Variants in KCNAB1 observed in about 807,000 individuals in gnomAD.
KCNAB1 encodes potassium voltage-gated channel subfamily A regulatory beta subunit 1, also known as voltage-gated potassium channel subunit beta-1.
In KCNAB1, 35 loss-of-function variants were observed where a neutral mutation model predicts 64.6. The ratio of observed to expected loss-of-function variants is 0.54; its 90% CI spans 0.41 to 0.72. KCNAB1 has a LOEUF of 0.72. KCNAB1 is among the 30% of genes least tolerant of loss of function. KCNAB1 has a pLI of 0.00. For synonymous variants in KCNAB1, 177 were observed against 183.8 expected (o/e 0.96, Z 0.30); for missense variants, 401 against 512.9 (o/e 0.78, Z 2.11).
intron 11 of KCNAB1, among the ~76,000 whole-genome samples, chr3:156,522,529 G>C (rs1432930896): frequency 6.6e-6 from 1 of 152,196 alleles, no homozygotes; most frequent in African/African-American, 2.4e-5. Flanking sequence ...GAAAACTTTA[G>C]CCATCTCCTC....
chr3:156,155,164 T>A (rs1405094180), intron 1 of KCNAB1, among the ~76,000 whole-genome samples: 2 of 152,174 alleles, frequency 1.3e-5, no homozygotes, highest in Non-Finnish European at 2.9e-5. Context: ...AGCCTCGCTG[T>A]TTTTGGTACA....
chr3:156,194,395 C>T (rs1055687096), intron 1 of KCNAB1, among the ~76,000 whole-genome samples: 1 of 152,016 alleles, frequency 6.6e-6, no homozygotes, highest in South Asian at 2.1e-4. Flanking sequence ...TTTGGTACTT[C>T]CACTATTTTC....
chr3:156,263,196 G>A (rs1718524639), intron 1 of KCNAB1, among the ~76,000 whole-genome samples: 1 of 151,236 alleles, frequency 6.6e-6, no homozygotes, highest in South Asian at 2.1e-4. Flanking sequence ...TTCTTTTTTA[G>A]TTTCTTAAGG....
chr3:156,337,770 A>G (rs1245327822), intron 1 of KCNAB1, among the ~76,000 whole-genome samples: 1 of 152,194 alleles, frequency 6.6e-6, no homozygotes, highest in Non-Finnish European at 1.5e-5. Context: ...TGTGAAAGAG[A>G]ACAGTGATCC....
At chr3:156,323,742 G>T (rs945180012) in intron 1 of KCNAB1, among the ~76,000 whole-genome samples, 1 of 152,030 alleles carries the variant, frequency 6.6e-6, no homozygotes. Flanking sequence ...TATTATAGTC[G>T]TGTCATACCT....
intron 1 of KCNAB1, among the ~76,000 whole-genome samples, chr3:156,179,352 G>A (rs1166377930): frequency 1.3e-5 from 2 of 151,776 alleles, no homozygotes; most frequent in Non-Finnish European, 2.9e-5. Flanking sequence ...CCAGAAGGGG[G>A]GATATAAAAT....
intron 1 of KCNAB1, among the ~76,000 whole-genome samples, chr3:156,295,793 G>T (rs1006529715): frequency 3.9e-5 from 6 of 152,030 alleles, no homozygotes; most frequent in Admixed American, 2.0e-4. Context: ...CATAGAATGT[G>T]TAATGATCAA....
intron 1 of KCNAB1, among the ~76,000 whole-genome samples, chr3:156,351,461 C>T (rs552344721): frequency 6.6e-6 from 1 of 152,354 alleles, no homozygotes; most frequent in South Asian, 2.1e-4. Flanking sequence ...AATTAAGGCT[C>T]CAGTTCCTCT....
intron 1 of KCNAB1, among the ~76,000 whole-genome samples, chr3:156,266,598 G>A (rs1025258519): frequency 6.6e-6 from 1 of 152,140 alleles, no homozygotes; most frequent in Non-Finnish European, 1.5e-5. Flanking sequence ...GGGTTAAAAA[G>A]CCTCAGTTAT....
intron 1 of KCNAB1, among the ~76,000 whole-genome samples, chr3:156,265,959 T>C (rs985136045): frequency 6.6e-6 from 1 of 152,114 alleles, no homozygotes; most frequent in African/African-American, 2.4e-5. Flanking sequence ...ACCACTGCAC[T>C]CCAGCCTGGT....
chr3:156,222,928 A>G (rs1416324052), intron 1 of KCNAB1, among the ~76,000 whole-genome samples: 1 of 152,242 alleles, frequency 6.6e-6, no homozygotes, highest in Non-Finnish European at 1.5e-5. Flanking sequence ...ATATAGCAAA[A>G]GCAGTGCTAA....
intron 1 of KCNAB1, among the ~76,000 whole-genome samples, chr3:156,343,380 A>G (rs1724266386): frequency 6.6e-6 from 1 of 152,208 alleles, no homozygotes; most frequent in African/African-American, 2.4e-5. Context: ...TTCTGGCCAC[A>G]GATCCCCTAC....
intron 1 of KCNAB1, among the ~76,000 whole-genome samples, chr3:156,324,981 A>G (rs377619734): frequency 6.6e-6 from 1 of 152,102 alleles, no homozygotes; most frequent in South Asian, 2.1e-4. Context: ...TGAGGGTACA[A>G]TTCCTGAAAA....
At chr3:156,383,845 CCT>C (rs1436502289) in intron 1 of KCNAB1, among the ~76,000 whole-genome samples, 3 of 152,132 alleles carry the variant, frequency 2.0e-5, no homozygotes, top group Non-Finnish European at 2.9e-5. Flanking sequence ...GTTTTTCGCC[CCT>C]GAGCTGGTTT....
At chr3:156,128,472 A>G (rs1713797862) in intron 1 of KCNAB1, among the ~76,000 whole-genome samples, 1 of 152,254 alleles carries the variant, frequency 6.6e-6, no homozygotes, top group Admixed American at 6.5e-5. Flanking sequence ...TAATTTTTTA[A>G]AAAGTGTTCT....
At chr3:156,259,638 T>C (rs565922350) in intron 1 of KCNAB1, among the ~76,000 whole-genome samples, 1 of 152,342 alleles carries the variant, frequency 6.6e-6, no homozygotes, top group Non-Finnish European at 1.5e-5. Context: ...TTTATGCCAT[T>C]GCCTAGGTTT....
rs191242598 is a variant in KCNAB1, at chr3:156,357,441, C to G, written c.276-64175C>G. 3.0e-3 allele frequency among the ~76,000 whole-genome samples: 460 copies of G among 152,262 alleles called. 2 individuals are homozygous for G. Among genetic ancestry groups the G allele is most frequent in the African/African-American group, 0.011 (440 of 41,540 alleles). On this transcript the variant is annotated intron_variant, in intron 1 of 13. Transcript: ENST00000490337. ...GTATGACAATGTAATGTTTCACATA[C>G]TTAATGACTGCATGACATGTACTAC...
At chr3:156,292,008 A>G (rs761220738) in intron 1 of KCNAB1, 2 of 1,614,084 alleles carry the variant, frequency 1.2e-6, no homozygotes, top group Non-Finnish European at 1.7e-6. Context: ...AATGTGGTGA[A>G]CGCAGCCCGG....
chr3:156,467,833 A>C (rs867364556), intron 7 of KCNAB1, among the ~76,000 whole-genome samples: 1 of 152,158 alleles, frequency 6.6e-6, no homozygotes, highest in Non-Finnish European at 1.5e-5. Context: ...ACACAAAATC[A>C]CTTTCTAAAA....
Sources: gnomAD v4.1 joint callset for allele counts (sites outside exome capture counted in the v4.1 genomes callset) on GRCh38, gnomAD v4.1.1 for gene constraint, MANE v1.5 for transcripts, NCBI Gene and HGNC (gene_info 2026-07-23, HGNC 2026-07-21) for gene names.